Variants in RGS1 observed in about 807,000 individuals in gnomAD.
The protein encoded by RGS1 is regulator of G protein signaling 1.
A neutral mutation model predicts 22.2 loss-of-function variants in RGS1; 11 were observed. The ratio of observed to expected loss-of-function variants is 0.50; its 90% CI spans 0.31 to 0.82. The LOEUF is 0.82. Among genes scored for constraint, RGS1 ranks in the 40% least tolerant of loss-of-function variants. The pLI is 0.04. For missense variants in RGS1, 255 were observed against 245.8 expected (o/e 1.04, Z -0.25); for synonymous variants, 81 against 79.9 (o/e 1.01, Z -0.07).
intron 3 of RGS1, chr1:192,577,905 A>G (rs1210276321): frequency 1.1e-5 from 3 of 273,804 alleles, no homozygotes; most frequent in Non-Finnish European, 2.1e-5. Context: ...TATATAAAAG[A>G]TGGTTTTATA....
intron 3 of RGS1, chr1:192,577,578 C>G (rs1662084102): frequency 6.6e-6 from 1 of 152,252 alleles, no homozygotes; most frequent in Non-Finnish European, 1.5e-5. Context: ...TGAGATTATT[C>G]TTTTCTCCCC....
chr1:192,579,513 A>G lies in RGS1; in HGVS notation c.*191A>G, dbSNP rs1348386827. On this transcript the variant is annotated 3_prime_UTR_variant, in exon 5 of 5. Coordinates refer to ENST00000367459, the MANE Select transcript of RGS1 (RefSeq NM_002922.4). ...GAAGAAGCATAAGCAAGACAAAAAC[A>G]GAGAGACCGCAGAAGGAGGAAGATA... is the stretch of plus-strand genomic sequence containing the variant. The G allele has an allele frequency of 1.8e-6, 1 of 548,528 alleles. No individual in the cohort carries two copies. Among genetic ancestry groups the G allele is most frequent in the Non-Finnish European group, 3.2e-6 (1 of 315,428 alleles). The allele number at this position is 548,528 out of a possible 1,614,324, so 34.0% of individuals were successfully genotyped here.
Position 192,576,782 on chromosome 1 carries a change from C to T in RGS1, c.227C>T (p.Ala76Val), listed in dbSNP as rs1201756252. 4 of 1,611,516 alleles carry T rather than the reference C, an allele frequency of 2.5e-6. No homozygotes were observed. The highest frequency in any genetic ancestry group is 3.3e-5 in the Admixed American group (2 of 59,746). ...CATTTTGTCCCCTGCAGACTTTCTG[C>T]TGCTGAAGTAATGCAATGGTCTCAA... ...KSSKSKDVLS[A>V]AEVMQWSQSL... Residue 76 changes from alanine (A) to valine (V), a missense_variant, in exon 3 of 5, where the codon GCT (alanine) becomes GTT (valine). Physicochemically the swap from Ala to Val is moderately conservative, Grantham distance 64. Transcript: ENST00000367459.
intron 1 of RGS1, 89 bp downstream of exon 1, chr1:192,576,018 C>T: frequency 6.7e-7 from 1 of 1,487,570 alleles, no homozygotes; most frequent in South Asian, 1.2e-5. Context: ...AGAGTGTGAG[C>T]ATTTAGTTTA....
chr1:192,578,132 T>C, intron 3 of RGS1, 90 bp from the exon 4 acceptor site: 1 of 1,446,674 alleles, frequency 6.9e-7, no homozygotes, highest in Non-Finnish European at 9.4e-7. Context: ...GAAGCAATTG[T>C]ATTTTTCTTA....
Position 192,576,638 on chromosome 1 carries a change from TG to T in RGS1, c.219-135del, listed in dbSNP as rs1662065548. The T allele has an allele frequency of 1.3e-5, 11 of 821,538 alleles. No homozygotes were observed. The Admixed American group carries it at 2.9e-4, about 22-fold the overall frequency. The allele number at this position is 821,538 out of a possible 1,614,324, so 50.9% of individuals were successfully genotyped here. A position where few individuals can be genotyped will look rare whatever the true frequency, so the allele number is the denominator to read the frequency against. ...TAACTCTAAGGGAAGTTTTGCATTT[TG>T]TGAATAAATTTTAACATATTTATTA... On this transcript the variant is annotated intron_variant, in intron 2 of 4. Coordinates refer to ENST00000367459, the MANE Select transcript of RGS1 (RefSeq NM_002922.4).
rs1226236566 is a variant in RGS1 at position 192,579,234 on chromosome 1, T to G, written c.542T>G (p.Leu181Arg). 7 of 1,613,092 alleles carry G rather than the reference T, an allele frequency of 4.3e-6. No homozygotes were observed. Among genetic ancestry groups the G allele is most frequent in the Non-Finnish European group, 5.1e-6 (6 of 1,179,444 alleles). ...FDEAQKVIYTLMEKDSYPRFL... is the reference protein window; with the variant it reads ...FDEAQKVIYTRMEKDSYPRFL... ...GAAGCACAAAAAGTCATATATACTCTTATGGAAAAGGACTCTTATCCCAGG... is the reference window on the plus strand; with the variant it reads ...GAAGCACAAAAAGTCATATATACTCGTATGGAAAAGGACTCTTATCCCAGG... The change falls in exon 5 of 5, where the codon CTT (leucine) becomes CGT (arginine). Residue 181 changes from leucine to arginine, a missense_variant. Transcript: ENST00000367459.
Position 192,579,697 on chromosome 1 carries a change from A to C in RGS1, c.*375A>C, listed in dbSNP as rs1049261575. On this transcript the variant is annotated 3_prime_UTR_variant, in exon 5 of 5. Transcript: ENST00000367459. ...CAAAGTCAACTGACATCTATGCTACATATTATTATATAGTTTGTACTGAGC... is the reference window on the plus strand; with the variant it reads ...CAAAGTCAACTGACATCTATGCTACCTATTATTATATAGTTTGTACTGAGC... The C allele has an allele frequency of 5.7e-6, 1 of 174,288 alleles. No individual in the cohort carries two copies. The highest frequency in any genetic ancestry group is 6.1e-5 in the Admixed American group (1 of 16,278). The allele number at this position is 174,288 out of a possible 1,614,324, so 10.8% of individuals were successfully genotyped here.
Position 192,579,542 on chromosome 1 carries a change from T to C in RGS1, c.*220T>C. 1 of 472,662 alleles carries C rather than the reference T, an allele frequency of 2.1e-6. No individual in the cohort carries two copies. 29.3% of individuals were successfully genotyped at this position (472,662 alleles called of 1,614,324 possible). A position where few individuals can be genotyped will look rare whatever the true frequency, so the allele number is the denominator to read the frequency against. On this transcript the variant is annotated 3_prime_UTR_variant, in exon 5 of 5. Transcript: ENST00000367459. ...AGACCGCAGAAGGAGGAAGATACTG[T>C]GGTACTGTCATAAAAAACAGTGGAG...
rs1180588111 is a variant in RGS1, at chr1:192,576,768, C to T, written c.219-6C>T. 3.7e-6 allele frequency: 6 copies of T among 1,610,376 alleles called. No homozygotes were observed. Among genetic ancestry groups the T allele is most frequent in the Non-Finnish European group, 5.1e-6 (6 of 1,178,234 alleles). On this transcript the variant is annotated splice_region_variant and splice_polypyrimidine_tract_variant and intron_variant, in intron 2 of 4. Transcript: ENST00000367459. ...GACTAATGTATGTACATTTTGTCCCCTGCAGACTTTCTGCTGCTGAAGTAA... is the reference window on the plus strand; with the variant it reads ...GACTAATGTATGTACATTTTGTCCCTTGCAGACTTTCTGCTGCTGAAGTAA...
intron 2 of RGS1, 58 bp from the exon 3 acceptor site, chr1:192,576,716 T>G: frequency 7.0e-7 from 1 of 1,426,806 alleles, no homozygotes; most frequent in African/African-American, 1.4e-5. Context: ...CCATTCTTAT[T>G]TCATTTGTGC....
Position 192,576,384 on chromosome 1 carries a change from T to G in RGS1, c.218+19T>G, listed in dbSNP as rs780143481. On this transcript the variant is annotated intron_variant, in intron 2 of 4. Coordinates refer to ENST00000367459, the MANE Select transcript of RGS1 (RefSeq NM_002922.4). ...AGGATGTGTAAGTACACTAATACAC[T>G]AAACTATCATTATCATTTACAAGAG... 5 of 1,520,158 alleles carry G rather than the reference T, an allele frequency of 3.3e-6. No homozygotes were observed. In the South Asian group the frequency reaches 3.4e-5, roughly 10 times the overall value. The allele number at this position is 1,520,158 out of a possible 1,614,324, so 94.2% of individuals were successfully genotyped here.
At chr1:192,578,684 C>T in intron 4 of RGS1, 2 of 466,490 alleles carry the variant, frequency 4.3e-6, no homozygotes, top group Non-Finnish European at 7.5e-6. Flanking sequence ...TTAATGAGTG[C>T]TCTTGTTTTG....
At chr1:192,578,032 T>C in intron 3 of RGS1, 190 bp from the exon 4 acceptor site, 2 of 652,852 alleles carry the variant, frequency 3.1e-6, no homozygotes, top group Non-Finnish European at 4.9e-6. Flanking sequence ...TCCTCTTCTA[T>C]GAATGAAGAA....
chr1:192,576,955 G>A, intron 3 of RGS1, 120 bp downstream of exon 3: 2 of 805,804 alleles, frequency 2.5e-6, no homozygotes, highest in South Asian at 2.0e-5. Context: ...TAGTTTGTCT[G>A]TAGTTACTGA....
At chr1:192,577,497 T>A (rs1662082327) in intron 3 of RGS1, 1 of 152,146 alleles carries the variant, frequency 6.6e-6, no homozygotes, top group Non-Finnish European at 1.5e-5. Flanking sequence ...GTCTTGGGCA[T>A]TACAATTCTA....
Position 192,579,418 on chromosome 1 carries a change from T to C in RGS1, c.*96T>C. 8.8e-7 allele frequency: 1 copy of C among 1,139,726 alleles called. No homozygotes were observed. The allele number at this position is 1,139,726 out of a possible 1,614,324, so 70.6% of individuals were successfully genotyped here. Reference sequence around the variant, plus strand: ...GGTGAACAGCTTGGCCTTTTTTGGGTGTCTTGACAGGCCAAGAAGAACAAA... The same window carrying C: ...GGTGAACAGCTTGGCCTTTTTTGGGCGTCTTGACAGGCCAAGAAGAACAAA... On this transcript the variant is annotated 3_prime_UTR_variant, in exon 5 of 5. Transcript: ENST00000367459.
In RGS1 at chr1:192,578,390, G is replaced by T; in HGVS notation, c.444+5G>T. On this transcript the variant is annotated splice_donor_5th_base_variant and intron_variant, in intron 4 of 4. Coordinates refer to ENST00000367459, the MANE Select transcript of RGS1 (RefSeq NM_002922.4). ...CATTCAGATGCTGCTAAACAAGTGA[G>T]TATTAAGCTTATCATCATCAGTTTC... The T allele has an allele frequency of 1.2e-6, 2 of 1,611,676 alleles. No homozygotes were observed. Among genetic ancestry groups the T allele is most frequent in the Non-Finnish European group, 1.7e-6 (2 of 1,179,342 alleles).
At position 192,579,408 on chromosome 1, in the gene RGS1, C is replaced by T; in HGVS notation, c.*86C>T. On this transcript the variant is annotated 3_prime_UTR_variant, in exon 5 of 5. Transcript: ENST00000367459. ...TGGCTCCCTGGGTGAACAGCTTGGCCTTTTTTGGGTGTCTTGACAGGCCAA... is the reference window on the plus strand; with the variant it reads ...TGGCTCCCTGGGTGAACAGCTTGGCTTTTTTTGGGTGTCTTGACAGGCCAA... 1 of 1,300,016 alleles carries T rather than the reference C, an allele frequency of 7.7e-7. No individual in the cohort carries two copies. Among genetic ancestry groups the T allele is most frequent in the Non-Finnish European group, 1.1e-6 (1 of 928,184 alleles). 80.5% of individuals were successfully genotyped at this position (1,300,016 alleles called of 1,614,324 possible).
Sources: gnomAD v4.1 joint callset for allele counts on GRCh38, gnomAD v4.1.1 for gene constraint, MANE v1.5 for transcripts, NCBI Gene and HGNC (gene_info 2026-07-23, HGNC 2026-07-21) for gene names.